Variants in USP34 observed in about 807,000 individuals in gnomAD.
USP34 encodes the protein ubiquitin specific peptidase 34.
USP34 carries 70 observed loss-of-function variants against 460.3 expected under a neutral mutation model. The ratio of observed to expected loss-of-function variants is 0.15; its 90% CI spans 0.13 to 0.19. USP34 has a LOEUF of 0.19. USP34 is among the 10% of genes least tolerant of loss of function. The probability of loss-of-function intolerance (pLI) is 1.00; values close to 1 mark genes in which losing one functional copy is unlikely to be tolerated. For missense variants in USP34, 3,985 were observed against 4,236.2 expected (o/e 0.94, Z 1.65); for synonymous variants, 1,647 against 1,405.3 (o/e 1.17, Z -3.85).
chr2:61,228,156 A>G (rs1226589831), intron 61 of USP34, among the ~76,000 whole-genome samples: 1 of 152,248 alleles, frequency 6.6e-6, no homozygotes, highest in African/African-American at 2.4e-5. Flanking sequence ...GGAGATATAA[A>G]GGGTACTTAT....
intron 49 of USP34, among the ~76,000 whole-genome samples, chr2:61,248,292 T>A (rs1558489655): frequency 6.6e-6 from 1 of 151,688 alleles, no homozygotes; most frequent in Non-Finnish European, 1.5e-5. Context: ...TGTTCACCAC[T>A]GTGTCTCCAG....
rs764453553 is a variant in USP34 at position 61,188,380 on chromosome 2, A to T, written c.10363T>A (p.Cys3455Ser). 1.3e-5 allele frequency: 21 copies of T among 1,614,054 alleles called. No individual in the cohort carries two copies. Among genetic ancestry groups the T allele is most frequent in the Non-Finnish European group, 1.8e-5 (21 of 1,180,042 alleles). The change falls in exon 80 of 80, where the codon TGT (cysteine) becomes AGT (serine). Residue 3455 changes from cysteine (C) to serine (S), a missense_variant. Transcript: ENST00000398571. ...TCAGCTAGGGTAGAATCCTTGGAAC[A>T]GTGGAGGTCTTTAAATTCTTTACAA... Reference protein sequence around the residue: ...DDCKEFKDLHCSKDSTLAEEE... With the variant: ...DDCKEFKDLHSSKDSTLAEEE...
At chr2:61,348,555 G>C in intron 14 of USP34, 75 bp from the exon 15 acceptor site, 1 of 1,517,922 alleles carries the variant, frequency 6.6e-7, no homozygotes, top group Non-Finnish European at 8.8e-7. Flanking sequence ...TTAATAAACT[G>C]TACTTTTTAA....
At chr2:61,410,772 C>G (rs1345221691) in intron 2 of USP34, among the ~76,000 whole-genome samples, 2 of 151,766 alleles carry the variant, frequency 1.3e-5, no homozygotes, top group Non-Finnish European at 2.9e-5. Context: ...TTTTGAGTGA[C>G]AGAAAAGGGA....
chr2:61,272,254 A>G (rs1262122435), intron 41 of USP34, among the ~76,000 whole-genome samples: 2 of 152,006 alleles, frequency 1.3e-5, no homozygotes, highest in African/African-American at 4.8e-5. Context: ...TACTAAAAAT[A>G]CAAAAAATTA....
chr2:61,394,180 TACTC>T (rs778844215), intron 5 of USP34, among the ~76,000 whole-genome samples: 14 of 152,240 alleles, frequency 9.2e-5, no homozygotes, highest in African/African-American at 2.9e-4. Context: ...GTGAAACTGA[TACTC>T]ACAGGATACA....
At chr2:61,430,664 A>G (rs772656007) in intron 1 of USP34, among the ~76,000 whole-genome samples, 2 of 152,224 alleles carry the variant, frequency 1.3e-5, no homozygotes, top group Admixed American at 1.3e-4. Context: ...AGCAATTCTA[A>G]TAGGTCTCAT....
rs182969302 is a variant in USP34 at position 61,465,893 on chromosome 2, C to T, written c.43+4757G>A. On this transcript the variant is annotated intron_variant, in intron 1 of 79. Coordinates refer to ENST00000398571, the MANE Select transcript of USP34 (RefSeq NM_014709.4). The stretch of plus-strand genomic sequence containing the variant: ...TCGGGAAGCTGAGTCAGGAGAATGG[C>T]GTGAACCCGGGAGGCGGAGCTTGCA... Among the ~76,000 whole-genome samples, 1,314 of 152,020 alleles carry T rather than the reference C, an allele frequency of 8.6e-3. 22 individuals are homozygous for T. Among genetic ancestry groups the T allele is most frequent in the Middle Eastern group, 0.037 (11 of 294 alleles).
chr2:61,392,459 A>G (rs969106882), intron 5 of USP34, among the ~76,000 whole-genome samples: 2 of 152,128 alleles, frequency 1.3e-5, no homozygotes, highest in Non-Finnish European at 2.9e-5. Context: ...CCCCGGGTCT[A>G]CTAAAAATAC....
At chr2:61,284,569 A>G (rs1689632310) in intron 35 of USP34, among the ~76,000 whole-genome samples, 1 of 152,194 alleles carries the variant, frequency 6.6e-6, no homozygotes, top group Admixed American at 6.5e-5. Flanking sequence ...TACTCTAGCT[A>G]TTAAGAAAAT....
rs1447308008 is a variant in USP34, at chr2:61,311,364, C to T, written c.3817+176G>A. 2.6e-5 allele frequency among the ~76,000 whole-genome samples: 4 copies of T among 151,918 alleles called. No individual in the cohort carries two copies. The East Asian group carries it at 7.7e-4, about 29-fold the overall frequency. On this transcript the variant is annotated intron_variant, in intron 27 of 79. Coordinates refer to ENST00000398571, the MANE Select transcript of USP34 (RefSeq NM_014709.4). ...GGACTTCCCAAATTCTGTTCTTTACCTAGTCTGTAGTATTGTTACAGCAAC... is the reference window on the plus strand; with the variant it reads ...GGACTTCCCAAATTCTGTTCTTTACTTAGTCTGTAGTATTGTTACAGCAAC...
In USP34 at chr2:61,331,258, C is replaced by T; in HGVS notation, c.2930+18G>A. On this transcript the variant is annotated intron_variant, in intron 20 of 79. Coordinates refer to ENST00000398571, the MANE Select transcript of USP34 (RefSeq NM_014709.4). Reference sequence around the variant, plus strand: ...GACATCGACACAAATGTATTTAACCCAGTTGAGAGGTACTTACAGTGCATG... The same window carrying T: ...GACATCGACACAAATGTATTTAACCTAGTTGAGAGGTACTTACAGTGCATG... The T allele has an allele frequency of 6.3e-7, 1 of 1,586,730 alleles. No individual in the cohort carries two copies. Among genetic ancestry groups the T allele is most frequent in the Non-Finnish European group, 8.6e-7 (1 of 1,161,892 alleles).
intron 1 of USP34, among the ~76,000 whole-genome samples, chr2:61,429,535 A>C (rs2103993875): frequency 6.6e-6 from 1 of 152,194 alleles, no homozygotes; most frequent in African/African-American, 2.4e-5. Context: ...GCTGAGGTGA[A>C]TGAGTTGCTT....
chr2:61,194,623 G>A (rs149666220), intron 75 of USP34, among the ~76,000 whole-genome samples: 33 of 152,282 alleles, frequency 2.2e-4, no homozygotes, highest in African/African-American at 6.7e-4. Flanking sequence ...CTTAGCCTCC[G>A]TAGTAGCTAA....
intron 1 of USP34, among the ~76,000 whole-genome samples, chr2:61,465,881 T>G (rs1053475282): frequency 6.6e-6 from 1 of 151,444 alleles, no homozygotes; most frequent in African/African-American, 2.4e-5. Flanking sequence ...GGAAGCTGAG[T>G]CAGGAGAATG....
chr2:61,214,028 G>A (rs1159444707), intron 68 of USP34, 32 bp downstream of exon 68: 1 of 1,611,496 alleles, frequency 6.2e-7, no homozygotes, highest in East Asian at 2.2e-5. Flanking sequence ...TCTATTTGAG[G>A]ATACAGATAA....
At position 61,293,486 on chromosome 2, in the gene USP34, T is replaced by G; in HGVS notation, c.4526A>C (p.Lys1509Thr). The G allele has an allele frequency of 6.2e-7, 1 of 1,613,002 alleles. No individual in the cohort carries two copies. Among genetic ancestry groups the G allele is most frequent in the Non-Finnish European group, 8.5e-7 (1 of 1,179,374 alleles). The change falls in exon 33 of 80, where the codon AAA (lysine) becomes ACA (threonine). Residue 1509 changes from lysine to threonine, a missense_variant. Physicochemically the swap from Lys to Thr is moderately conservative, Grantham distance 78. This residue lies in a region of USP34 where 1,114 missense variants were observed against 1,122.5 expected (regional missense o/e 0.99). Transcript: ENST00000398571. ...EIFNSGILEPKEQESWTVWQL... is the reference protein window; with the variant it reads ...EIFNSGILEPTEQESWTVWQL... ...TACCACAGTCCATGATTCCTGCTCT[T>G]TAGGCTCTAGAATTCCAGAATTAAA...
intron 1 of USP34, among the ~76,000 whole-genome samples, chr2:61,460,340 C>A (rs778516843): frequency 5.2e-4 from 79 of 152,144 alleles, no homozygotes; most frequent in Non-Finnish European, 4.6e-4. Flanking sequence ...CATATCCAGG[C>A]TGCACATGCA....
intron 39 of USP34, among the ~76,000 whole-genome samples, chr2:61,279,182 T>C (rs1162206501): frequency 6.6e-6 from 1 of 152,040 alleles, no homozygotes; most frequent in Non-Finnish European, 1.5e-5. Flanking sequence ...CAATACTAAT[T>C]TTTGTAATTA....
Sources: allele counts gnomAD v4.1 joint callset (sites outside exome capture counted in the v4.1 genomes callset), GRCh38; gene constraint gnomAD v4.1.1; regional missense constraint gnomAD v4.1.1; transcripts MANE v1.5; gene names NCBI Gene and HGNC (gene_info 2026-07-23, HGNC 2026-07-21).